Variants in MTUS2 observed in about 807,000 individuals in gnomAD.
MTUS2 encodes microtubule associated scaffold protein 2.
MTUS2 carries 40 observed loss-of-function variants against 114.1 expected under a neutral mutation model. The ratio of observed to expected loss-of-function variants is 0.35; its 90% CI spans 0.27 to 0.46. The LOEUF (loss-of-function observed/expected upper bound fraction) is 0.46, where lower values mean the gene tolerates loss of function less well. Ranked by LOEUF, MTUS2 falls within the 20% of genes least tolerant of loss-of-function variation. The probability of loss-of-function intolerance (pLI) is 1.00; values close to 1 mark genes in which losing one functional copy is unlikely to be tolerated. For missense variants in MTUS2, 1,679 were observed against 1,705.4 expected (o/e 0.98, Z 0.27); for synonymous variants, 688 against 672.0 (o/e 1.02, Z -0.37).
intron 5 of MTUS2, among the ~76,000 whole-genome samples, chr13:29,155,063 G>C (rs989077999): frequency 5.3e-5 from 8 of 152,194 alleles, no homozygotes; most frequent in African/African-American, 1.9e-4. Context: ...CCCAGACCTA[G>C]TTTTTAACGT....
chr13:29,117,858 G>A (rs1322244948), intron 5 of MTUS2, among the ~76,000 whole-genome samples: 1 of 152,116 alleles, frequency 6.6e-6, no homozygotes, highest in African/African-American at 2.4e-5. Flanking sequence ...TAAGGTTGGC[G>A]CCAACACAGG....
intron 5 of MTUS2, among the ~76,000 whole-genome samples, chr13:29,157,031 A>G (rs1892890759): frequency 6.6e-6 from 1 of 152,222 alleles, no homozygotes; most frequent in Non-Finnish European, 1.5e-5. Context: ...CTCGTTCAAC[A>G]TTTATAAGAT....
intron 5 of MTUS2, among the ~76,000 whole-genome samples, chr13:29,139,321 C>T (rs959310393): frequency 1.3e-5 from 2 of 152,162 alleles, no homozygotes; most frequent in Non-Finnish European, 2.9e-5. Flanking sequence ...CTCTTCTTTA[C>T]ACTATGCATT....
chr13:29,136,188 G>C (rs1168282820), intron 5 of MTUS2, among the ~76,000 whole-genome samples: 4 of 152,130 alleles, frequency 2.6e-5, no homozygotes, highest in Admixed American at 2.6e-4. Context: ...TTCTCGCAGG[G>C]CATGTCTGTT....
chr13:28,990,414 C>G (rs1002997467), intron 2 of MTUS2, among the ~76,000 whole-genome samples: 1 of 152,074 alleles, frequency 6.6e-6, no homozygotes, highest in African/African-American at 2.4e-5. Context: ...ACTTTTCTGT[C>G]TAGCAGAAGG....
intron 5 of MTUS2, among the ~76,000 whole-genome samples, chr13:29,234,837 C>A (rs969652088): frequency 6.6e-6 from 1 of 152,078 alleles, no homozygotes; most frequent in South Asian, 2.1e-4. Flanking sequence ...AAGGCCACTT[C>A]CCCAAAAAAT....
chr13:29,252,301 G>C (rs1305692088), intron 5 of MTUS2, among the ~76,000 whole-genome samples: 1 of 152,060 alleles, frequency 6.6e-6, no homozygotes, highest in African/African-American at 2.4e-5. Context: ...CGTTCCCGTG[G>C]ACTTATTATA....
At chr13:29,399,426 A>T (rs1033086914) in intron 8 of MTUS2, among the ~76,000 whole-genome samples, 1 of 152,194 alleles carries the variant, frequency 6.6e-6, no homozygotes, top group East Asian at 1.9e-4. Flanking sequence ...CCCATCTCCT[A>T]TTCAAGATGC....
intron 5 of MTUS2, among the ~76,000 whole-genome samples, chr13:29,253,449 TA>T (rs1290775485): frequency 6.6e-6 from 1 of 151,796 alleles, no homozygotes; most frequent in African/African-American, 2.4e-5. Flanking sequence ...AAAATATAAA[TA>T]AAAAAATAAA....
intron 8 of MTUS2, among the ~76,000 whole-genome samples, chr13:29,398,385 C>T (rs1463046226): frequency 6.6e-6 from 1 of 151,256 alleles, no homozygotes; most frequent in African/African-American, 2.4e-5. Context: ...TTGCTTGAAC[C>T]CAGGAGGTGG....
At chr13:28,977,250 A>G (rs76399257) in intron 2 of MTUS2, among the ~76,000 whole-genome samples, 2,076 of 152,262 alleles carry the variant, frequency 0.014, 49 homozygotes, top group African/African-American at 0.047. Flanking sequence ...TCTCTTTTTC[A>G]TTTAAAATTA....
At chr13:29,129,697 A>G (rs1422232834) in intron 5 of MTUS2, among the ~76,000 whole-genome samples, 1 of 152,130 alleles carries the variant, frequency 6.6e-6, no homozygotes, top group African/African-American at 2.4e-5. Context: ...CGTGATTGTG[A>G]GTGAAAGGAC....
intron 5 of MTUS2, among the ~76,000 whole-genome samples, chr13:29,180,155 A>G (rs1226280465): frequency 6.6e-6 from 1 of 152,220 alleles, no homozygotes; most frequent in East Asian, 1.9e-4. Context: ...TAATTTATGC[A>G]TCTTTAATGT....
intron 5 of MTUS2, among the ~76,000 whole-genome samples, chr13:29,144,302 CAGAA>C (rs1309101865): frequency 6.6e-6 from 1 of 151,966 alleles, no homozygotes; most frequent in Non-Finnish European, 1.5e-5. Flanking sequence ...TTCAGGGTCT[CAGAA>C]AGCTGCAGTC....
chr13:29,026,288 C>T lies in MTUS2; in HGVS notation c.1590C>T (p.Leu530=), dbSNP rs1886541644. 5 of 1,613,962 alleles carry T rather than the reference C, an allele frequency of 3.1e-6. No homozygotes were observed. Among genetic ancestry groups the T allele is most frequent in the Non-Finnish European group, 4.2e-6 (5 of 1,179,888 alleles). The change falls in exon 3 of 16, where the codon CTC becomes CTT. Residue 530 remains leucine (L), a synonymous_variant. Coordinates refer to ENST00000612955, the MANE Select transcript of MTUS2 (RefSeq NM_001033602.4). ...CCTCAGCAAGAGCAGATTCAGTTCT[C>T]AATATTCCAGCACCCCTCCACCCAG... The part of the protein sequence containing the change: ...ESTSARADSV[L]NIPAPLHPET...
intron 7 of MTUS2, among the ~76,000 whole-genome samples, chr13:29,337,907 G>T (rs1032408874): frequency 1.3e-4 from 19 of 150,928 alleles, no homozygotes; most frequent in African/African-American, 4.4e-4. Context: ...TCCTGCCTCA[G>T]CCTCCCAAGT....
chr13:29,443,622 A>C (rs1878062901), intron 9 of MTUS2, among the ~76,000 whole-genome samples: 1 of 152,208 alleles, frequency 6.6e-6, no homozygotes, highest in Non-Finnish European at 1.5e-5. Flanking sequence ...TCTGCAGCTG[A>C]GATTGCATTG....
At chr13:29,051,279 A>G in intron 4 of MTUS2, among the ~76,000 whole-genome samples, 1 of 152,194 alleles carries the variant, frequency 6.6e-6, no homozygotes, top group East Asian at 1.9e-4. Flanking sequence ...GGAACCAATC[A>G]TGACTGCTAG....
chr13:29,157,524 C>T (rs2139062946), intron 5 of MTUS2, among the ~76,000 whole-genome samples: 1 of 152,188 alleles, frequency 6.6e-6, no homozygotes, highest in South Asian at 2.1e-4. Flanking sequence ...AAGTAGATAC[C>T]TAACATAAAG....
Sources: gnomAD v4.1 joint callset for allele counts (sites outside exome capture counted in the v4.1 genomes callset) on GRCh38, gnomAD v4.1.1 for gene constraint, MANE v1.5 for transcripts, NCBI Gene and HGNC (gene_info 2026-07-23, HGNC 2026-07-21) for gene names.